The following CTNNA2 variants were observed in gnomAD, a reference collection of about 807,000 sequenced individuals.
CTNNA2 encodes the protein catenin alpha-2.
In CTNNA2, 42 loss-of-function variants were observed where a neutral mutation model predicts 101.0. That is an observed-to-expected ratio of 0.42 (90% CI 0.32 to 0.54). The LOEUF is 0.54. Ranked by LOEUF, CTNNA2 falls within the 20% of genes least tolerant of loss-of-function variation. The pLI, the probability that CTNNA2 is intolerant of heterozygous loss-of-function variation, is 0.14. For missense variants in CTNNA2, 871 were observed against 1,223.1 expected (o/e 0.71, Z 4.29); for synonymous variants, 450 against 456.4 (o/e 0.99, Z 0.18).
At chr2:79,456,383 C>A (rs555557263) in intron 4 of CTNNA2, among the ~76,000 whole-genome samples, 3 of 151,974 alleles carry the variant, frequency 2.0e-5, no homozygotes, top group Admixed American at 6.5e-5. Flanking sequence ...AATAAAGATT[C>A]TTAAAGCCAT....
intron 1 of CTNNA2, among the ~76,000 whole-genome samples, chr2:79,596,585 G>A (rs1421405064): frequency 6.6e-6 from 1 of 152,208 alleles, no homozygotes; most frequent in Non-Finnish European, 1.5e-5. Flanking sequence ...AGAAAAGCCT[G>A]AGCAGCGCAG....
chr2:80,118,267 G>A (rs1466815776), intron 7 of CTNNA2, among the ~76,000 whole-genome samples: 4 of 152,168 alleles, frequency 2.6e-5, no homozygotes, highest in Non-Finnish European at 4.4e-5. Flanking sequence ...CAAAATAGAC[G>A]TGGGGCATGA....
chr2:80,021,210 A>G lies in CTNNA2; in HGVS notation c.1056+111413A>G, dbSNP rs568539579. On this transcript the variant is annotated intron_variant, in intron 7 of 18. Coordinates refer to ENST00000402739, the MANE Select transcript of CTNNA2 (RefSeq NM_001282597.3). ...AATTTTTGTATTTTTTGTAGAGACA[A>G]GGTTTCATCATGTCACCCAGGATGG... 2.0e-4 allele frequency among the ~76,000 whole-genome samples: 31 copies of G among 151,728 alleles called. 2 individuals carry two copies. Among genetic ancestry groups the G allele is most frequent in the African/African-American group, 7.0e-4 (29 of 41,360 alleles).
In CTNNA2 at chr2:79,447,310, C is replaced by T. The variant is rs927017597; in HGVS notation, c.-134-57744C>T. On this transcript the variant is annotated intron_variant, in intron 4 of 21. Transcript: ENST00000466387. ...TATAAATGCTCACTCACTGAAAGGA[C>T]GTTAGCCTTATGCTATAAAAAAATT... Among the ~76,000 whole-genome samples, 16 of 152,016 alleles carry T rather than the reference C, an allele frequency of 1.1e-4. No individual in the cohort carries two copies. The East Asian group carries it at 2.9e-3, about 28-fold the overall frequency.
chr2:80,043,107 CTCTCTTT>C (rs1696250494), intron 7 of CTNNA2, among the ~76,000 whole-genome samples: 1 of 55,370 alleles, frequency 1.8e-5, no homozygotes, highest in South Asian at 4.6e-4. Flanking sequence ...CTCTCTCTCT[CTCTCTTT>C]CTTTCTCCTT....
chr2:79,252,355 A>T (rs1674784052), intron 2 of CTNNA2, among the ~76,000 whole-genome samples: 1 of 151,746 alleles, frequency 6.6e-6, no homozygotes, highest in South Asian at 2.1e-4. Flanking sequence ...TATTTTGTTA[A>T]TTTGTTTAAT....
intron 7 of CTNNA2, among the ~76,000 whole-genome samples, chr2:79,960,570 C>T (rs973634687): frequency 6.6e-6 from 1 of 152,174 alleles, no homozygotes; most frequent in Non-Finnish European, 1.5e-5. Context: ...TATTGAGCAA[C>T]CACTGAAGAA....
At chr2:79,638,241 A>G (rs1040891428) in intron 1 of CTNNA2, among the ~76,000 whole-genome samples, 13 of 152,230 alleles carry the variant, frequency 8.5e-5, no homozygotes, top group Non-Finnish European at 1.6e-4. Flanking sequence ...CCTCATTTGC[A>G]TTTCCTAAAG....
chr2:79,725,967 A>C (rs546340972), intron 2 of CTNNA2, among the ~76,000 whole-genome samples: 1 of 152,318 alleles, frequency 6.6e-6, no homozygotes, highest in South Asian at 2.1e-4. Flanking sequence ...AGGTGACCTT[A>C]GGTCTGCAGA....
rs1672207307 is a variant in CTNNA2, at chr2:79,523,084, T to C, written c.-6+9877T>C. 17 of 259,588 alleles carry C rather than the reference T, an allele frequency of 6.5e-5. No individual in the cohort carries two copies. In the South Asian group the frequency reaches 7.3e-4, roughly 11 times the overall value. 16.1% of individuals were successfully genotyped at this position (259,588 alleles called of 1,614,324 possible). A position where few individuals can be genotyped will look rare whatever the true frequency, so the allele number is the denominator to read the frequency against. ...TCATAGGTATATATAAATTTGTATATTATTTTTAACTAAATATATCTAAGC... is the reference window on the plus strand; with the variant it reads ...TCATAGGTATATATAAATTTGTATACTATTTTTAACTAAATATATCTAAGC... On this transcript the variant is annotated intron_variant, in intron 1 of 18. Transcript: ENST00000402739.
intron 4 of CTNNA2, among the ~76,000 whole-genome samples, chr2:79,472,409 A>T (rs1206747974): frequency 1.3e-5 from 2 of 152,206 alleles, no homozygotes; most frequent in Non-Finnish European, 2.9e-5. Flanking sequence ...TGTAAGAAAG[A>T]CAATGGTCCC....
At chr2:79,794,420 A>C (rs1480473459) in intron 3 of CTNNA2, among the ~76,000 whole-genome samples, 1 of 152,188 alleles carries the variant, frequency 6.6e-6, no homozygotes, top group Non-Finnish European at 1.5e-5. Flanking sequence ...CATTTATTAC[A>C]TATAAAAAGC....
chr2:80,401,522 A>T (rs983895929), intron 8 of CTNNA2, among the ~76,000 whole-genome samples: 10 of 152,186 alleles, frequency 6.6e-5, no homozygotes, highest in Admixed American at 2.6e-4. Context: ...GGAGATTCTG[A>T]CTTCATGTAC....
intron 7 of CTNNA2, among the ~76,000 whole-genome samples, chr2:80,053,124 T>C (rs907030739): frequency 6.6e-6 from 1 of 152,220 alleles, no homozygotes; most frequent in African/African-American, 2.4e-5. Context: ...TACCACAGAC[T>C]TCAGCGGAAG....
At chr2:80,224,536 C>T (rs1300311469) in intron 7 of CTNNA2, among the ~76,000 whole-genome samples, 1 of 150,808 alleles carries the variant, frequency 6.6e-6, no homozygotes, top group Non-Finnish European at 1.5e-5. Context: ...CCTCCATCTC[C>T]TGGGTTCAAG....
intron 7 of CTNNA2, among the ~76,000 whole-genome samples, chr2:79,911,974 G>C (rs971136297): frequency 6.6e-6 from 1 of 152,120 alleles, no homozygotes; most frequent in African/African-American, 2.4e-5. Flanking sequence ...TCCATGCCCT[G>C]ACTGAAAAGT....
intron 3 of CTNNA2, among the ~76,000 whole-genome samples, chr2:79,336,123 T>G (rs1289348858): frequency 1.3e-5 from 2 of 152,204 alleles, no homozygotes; most frequent in Non-Finnish European, 1.5e-5. Context: ...ATGTTTAGAA[T>G]GGAATTAGGA....
chr2:80,078,994 T>C (rs1019834827), intron 7 of CTNNA2, among the ~76,000 whole-genome samples: 2 of 152,198 alleles, frequency 1.3e-5, no homozygotes, highest in African/African-American at 2.4e-5. Flanking sequence ...AAAGAAACTA[T>C]GCTTTGCCCT....
intron 2 of CTNNA2, among the ~76,000 whole-genome samples, chr2:79,699,723 A>C (rs1684867440): frequency 6.7e-6 from 1 of 150,326 alleles, no homozygotes; most frequent in African/African-American, 2.4e-5. Context: ...AAATCAACTA[A>C]AAAATTTTGA....
Sources: allele counts gnomAD v4.1 joint callset (sites outside exome capture counted in the v4.1 genomes callset), GRCh38; gene constraint gnomAD v4.1.1; transcripts MANE v1.5; gene names NCBI Gene and HGNC (gene_info 2026-07-23, HGNC 2026-07-21).